Variants in GSE1 observed in about 807,000 individuals in gnomAD.
GSE1 encodes genetic suppressor element 1.
GSE1 carries 32 observed loss-of-function variants against 112.6 expected under a neutral mutation model. The ratio of observed to expected loss-of-function variants is 0.28; its 90% CI spans 0.21 to 0.38. GSE1 has a LOEUF of 0.38. GSE1 is among the 10% of genes least tolerant of loss of function. The pLI, the probability that GSE1 is intolerant of heterozygous loss-of-function variation, is 1.00. For synonymous variants in GSE1, 1,115 were observed against 735.6 expected (o/e 1.52, Z -8.35); for missense variants, 2,348 against 1,699.2 (o/e 1.38, Z -6.71).
In GSE1 at chr16:85,656,326, C is replaced by G. The variant is rs202163529; in HGVS notation, c.990-17C>G. 1 of 1,610,186 alleles carries G rather than the reference C, an allele frequency of 6.2e-7. No individual in the cohort carries two copies. The highest frequency in any genetic ancestry group is 1.3e-5 in the African/African-American group (1 of 74,970). On this transcript the variant is annotated splice_polypyrimidine_tract_variant and intron_variant, in intron 6 of 15. Coordinates refer to ENST00000253458, the MANE Select transcript of GSE1 (RefSeq NM_014615.5). Reference sequence around the variant, plus strand: ...TCCTGGTGCAGCAGAGCCCCCAACTCTTTCCATGTGCTGCAGGCTGCAGAT... The same window carrying G: ...TCCTGGTGCAGCAGAGCCCCCAACTGTTTCCATGTGCTGCAGGCTGCAGAT...
At chr16:85,478,513 C>T (rs1184537903) in intron 2 of GSE1, among the ~76,000 whole-genome samples, 9 of 136,502 alleles carry the variant, frequency 6.6e-5, no homozygotes, top group Admixed American at 2.2e-4. Flanking sequence ...GGTGACAGCA[C>T]GAAACTGTCT....
chr16:85,292,035 C>A (rs747631946), intron 1 of GSE1, among the ~76,000 whole-genome samples: 18 of 152,334 alleles, frequency 1.2e-4, no homozygotes, highest in Non-Finnish European at 2.2e-4. Flanking sequence ...GTGCCGCCCC[C>A]CATATTCCCA....
At chr16:85,655,478 T>G (rs1348194071) in intron 5 of GSE1, among the ~76,000 whole-genome samples, 1 of 152,168 alleles carries the variant, frequency 6.6e-6, no homozygotes, top group African/African-American at 2.4e-5. Flanking sequence ...TTGACCACTC[T>G]GTGCTGGTCT....
intron 1 of GSE1, chr16:85,283,018 C>T (rs2044900599): frequency 6.6e-6 from 1 of 152,550 alleles, no homozygotes; most frequent in Non-Finnish European, 1.5e-5. Context: ...GCAGGGGGAT[C>T]TGCTTCCAAG....
chr16:85,188,035 C>T (rs574333016), intron 1 of GSE1, among the ~76,000 whole-genome samples: 11 of 152,366 alleles, frequency 7.2e-5, no homozygotes, highest in African/African-American at 2.6e-4. Context: ...GTACCACCTG[C>T]AGGGTGCTGG....
chr16:85,607,822 A>T (rs2047776767), upstream of GSE1, among the ~76,000 whole-genome samples: 1 of 152,164 alleles, frequency 6.6e-6, no homozygotes, highest in African/African-American at 2.4e-5. Flanking sequence ...CTGCTAGGAG[A>T]CAGGGGCCTT....
At position 85,666,352 on chromosome 16, in the gene GSE1, T is replaced by G. The variant is rs201497330; in HGVS notation, c.3130+5T>G. ...AGGCCCTGCAGAAGCATAAAGGTAA[T>G]GAGGCTGCCAGTCCCTGCTCAGCTC... On this transcript the variant is annotated splice_donor_5th_base_variant and intron_variant, in intron 13 of 15. Coordinates refer to ENST00000253458, the MANE Select transcript of GSE1 (RefSeq NM_014615.5). The G allele has an allele frequency of 3.3e-4, 531 of 1,613,308 alleles. No homozygotes were observed. The highest frequency in any genetic ancestry group is 4.2e-4 in the Non-Finnish European group (494 of 1,180,012).
At chr16:85,270,651 C>T (rs1010590500) in intron 1 of GSE1, among the ~76,000 whole-genome samples, 1 of 148,706 alleles carries the variant, frequency 6.7e-6, no homozygotes, top group Non-Finnish European at 1.5e-5. Context: ...AATGCTCTGT[C>T]CTGCGTGCGG....
At chr16:85,539,777 G>A (rs1407955230) in intron 2 of GSE1, among the ~76,000 whole-genome samples, 1 of 152,208 alleles carries the variant, frequency 6.6e-6, no homozygotes, top group Non-Finnish European at 1.5e-5. Context: ...AGAACAGGCG[G>A]ATGGCTGCCC....
intron 1 of GSE1, among the ~76,000 whole-genome samples, chr16:85,193,471 G>GC (rs1567602031): frequency 6.6e-6 from 1 of 151,454 alleles, no homozygotes; most frequent in African/African-American, 2.4e-5. Flanking sequence ...TTTTGCTTTT[G>GC]TTTTTTTTGA....
chr16:85,656,093 C>T (rs1470414117), intron 6 of GSE1, among the ~76,000 whole-genome samples, 176 bp downstream of exon 6: 3 of 152,184 alleles, frequency 2.0e-5, no homozygotes, highest in African/African-American at 4.8e-5. Context: ...TAGCGCCTGT[C>T]TCGGTAGCCG....
At chr16:85,245,720 A>G (rs1905572495) in intron 1 of GSE1, among the ~76,000 whole-genome samples, 1 of 152,116 alleles carries the variant, frequency 6.6e-6, no homozygotes, top group African/African-American at 2.4e-5. Flanking sequence ...AATAGAAAAA[A>G]AGTGTCCTCT....
At chr16:85,286,704 AT>A (rs569094716) in intron 1 of GSE1, among the ~76,000 whole-genome samples, 7,653 of 140,040 alleles carry the variant, frequency 0.055, 326 homozygotes, top group African/African-American at 0.13. Flanking sequence ...CTGGGTTGGG[AT>A]TTTTTTTTTT....
At position 85,613,383 on chromosome 16, in the gene GSE1, G is replaced by A. The variant is rs1256768377; in HGVS notation, c.-9G>A. 5.7e-6 allele frequency: 9 copies of A among 1,568,172 alleles called. No individual in the cohort carries two copies. In the Admixed American group the frequency reaches 1.5e-4, roughly 26 times the overall value. On this transcript the variant is annotated 5_prime_UTR_variant, in exon 1 of 16. Coordinates refer to ENST00000253458, the MANE Select transcript of GSE1 (RefSeq NM_014615.5). ...TGTATCAGCCGAGGTGGAGCTGCGG[G>A]GCCCTGGCATGAAAGGTGAGCGCGC...
At chr16:85,596,951 GC>G (rs2047253929) in intron 1 of GSE1, among the ~76,000 whole-genome samples, 1 of 151,884 alleles carries the variant, frequency 6.6e-6, no homozygotes, top group South Asian at 2.1e-4. Context: ...CAGAAGAATG[GC>G]TTTGTAGTTG....
intron 1 of GSE1, among the ~76,000 whole-genome samples, chr16:85,261,375 T>G (rs559962339): frequency 6.6e-6 from 1 of 152,238 alleles, no homozygotes; most frequent in African/African-American, 2.4e-5. Context: ...AGTTGCTGAC[T>G]CAGTGAATTT....
At chr16:85,276,552 C>A (rs1437669518) in intron 1 of GSE1, among the ~76,000 whole-genome samples, 2 of 152,168 alleles carry the variant, frequency 1.3e-5, no homozygotes, top group Non-Finnish European at 2.9e-5. Context: ...CCTCAGGGAG[C>A]AATATTAAGG....
At chr16:85,231,604 A>G (rs1904287707) in intron 1 of GSE1, among the ~76,000 whole-genome samples, 1 of 152,198 alleles carries the variant, frequency 6.6e-6, no homozygotes. Flanking sequence ...GGTTAGATGC[A>G]CGGGTGGAAT....
At chr16:85,555,103 G>C, upstream of GSE1, 3 of 985,298 alleles carry the variant, frequency 3.0e-6, no homozygotes, top group Non-Finnish European at 3.6e-6. Context: ...GAGACGGAAG[G>C]AGCCGCCGCC....
Sources: allele counts gnomAD v4.1 joint callset (sites outside exome capture counted in the v4.1 genomes callset), GRCh38; gene constraint gnomAD v4.1.1; transcripts MANE v1.5; gene names NCBI Gene and HGNC (gene_info 2026-07-23, HGNC 2026-07-21).